RPS6KA2: variants seen among roughly 807,000 people sequenced by gnomAD.
RPS6KA2 encodes the protein ribosomal protein S6 kinase A2.
Under a neutral mutation model 91.8 loss-of-function variants are expected in RPS6KA2, and 42 were observed. The ratio of observed to expected loss-of-function variants is 0.46; its 90% CI spans 0.36 to 0.59. RPS6KA2 has a LOEUF of 0.59. Ranked by LOEUF, RPS6KA2 falls within the 20% of genes least tolerant of loss-of-function variation. The pLI is 0.00. For synonymous variants in RPS6KA2, 414 were observed against 393.6 expected, an observed-to-expected ratio of 1.05 and a Z score of -0.61; for missense variants, 798 against 978.5, an observed-to-expected ratio of 0.82 and a Z score of 2.46.
intron 2 of RPS6KA2, among the ~76,000 whole-genome samples, chr6:166,741,614 C>CCTTTAGT (rs1790818576): frequency 6.6e-6 from 1 of 152,216 alleles, no homozygotes; most frequent in African/African-American, 2.4e-5. Context: ...GCTGAGGGAT[C>CCTTTAGT]ACCCACTGCT....
chr6:166,724,333 G>T (rs1045632985), intron 2 of RPS6KA2, among the ~76,000 whole-genome samples: 1 of 151,936 alleles, frequency 6.6e-6, no homozygotes, highest in Non-Finnish European at 1.5e-5. Context: ...GAGGTCCACG[G>T]CAGCTAGCTC....
rs1358599667 is a variant in RPS6KA2 at position 166,612,049 on chromosome 6, G to A, written c.99+14872C>T. ...ATTGCACAGAAGAAATACTGTGAAT[G>A]AATAAGGCATCCAACCCATTCTCCA... is the stretch of plus-strand genomic sequence containing the variant. On this transcript the variant is annotated intron_variant, in intron 1 of 20. Transcript: ENST00000265678. The surrounding 1 kb of genome is among the most constrained non-coding windows in gnomAD (Gnocchi z 4.3). Among the ~76,000 whole-genome samples, 7 of 152,202 alleles carry A rather than the reference G, an allele frequency of 4.6e-5. No individual in the cohort carries two copies. Among genetic ancestry groups the A allele is most frequent in the Non-Finnish European group, 1.0e-4 (7 of 68,040 alleles).
At chr6:166,847,367 TA>T (rs1554262563) in intron 2 of RPS6KA2, among the ~76,000 whole-genome samples, 1 of 152,100 alleles carries the variant, frequency 6.6e-6, no homozygotes, top group Non-Finnish European at 1.5e-5. Flanking sequence ...GCAATTCCCA[TA>T]AAAATACCAC....
rs540755505 is a variant in RPS6KA2 at position 166,765,467 on chromosome 6, C to T, written c.123+92733G>A. ...GGTGACATAGGTTCCTTATTGCATC[C>T]GCAGCTCAGGGACGGGCGCAGTGTG... On this transcript the variant is annotated intron_variant, in intron 2 of 21. Coordinates refer to the RPS6KA2 transcript ENST00000503859. Among the ~76,000 whole-genome samples the T allele has an allele frequency of 1.1e-4, 16 of 152,324 alleles. No individual in the cohort carries two copies. The East Asian group carries it at 2.3e-3, about 22-fold the overall frequency.
intron 1 of RPS6KA2, among the ~76,000 whole-genome samples, chr6:166,550,138 T>G (rs1018091261): frequency 6.6e-6 from 1 of 152,210 alleles, no homozygotes. Flanking sequence ...AGTGATAGTA[T>G]TAGAAAATAT....
At chr6:166,688,341 G>T (rs1217315192) in intron 2 of RPS6KA2, among the ~76,000 whole-genome samples, 1 of 152,186 alleles carries the variant, frequency 6.6e-6, no homozygotes, top group Non-Finnish European at 1.5e-5. Flanking sequence ...CCCCCGCCAG[G>T]GTCCTCAACC....
chr6:166,510,576 TATATATATATATATA>T (rs1562545801), intron 3 of RPS6KA2, among the ~76,000 whole-genome samples: 4 of 39,008 alleles, frequency 1.0e-4, no homozygotes, highest in South Asian at 1.2e-3. Context: ...TATATATATA[TATATATATATATATA>T]TATATATATA....
chr6:166,837,064 C>A (rs1195884284), intron 2 of RPS6KA2, among the ~76,000 whole-genome samples: 1 of 152,210 alleles, frequency 6.6e-6, no homozygotes, highest in East Asian at 1.9e-4. Flanking sequence ...GCTCACCTGG[C>A]CACAGCCGGC....
intron 17 of RPS6KA2, among the ~76,000 whole-genome samples, chr6:166,421,647 T>C (rs1384940392): frequency 6.6e-6 from 1 of 152,184 alleles, no homozygotes; most frequent in Admixed American, 6.5e-5. Context: ...GCAGATACCA[T>C]GTAGGCTGGA....
intron 2 of RPS6KA2, among the ~76,000 whole-genome samples, chr6:166,716,167 C>T (rs140108342): frequency 6.6e-6 from 1 of 151,728 alleles, no homozygotes; most frequent in East Asian, 1.9e-4. Flanking sequence ...AGTTTTATCA[C>T]AGGTTAACTG....
intron 2 of RPS6KA2, among the ~76,000 whole-genome samples, chr6:166,772,837 CTG>C (rs1439324409): frequency 6.6e-6 from 1 of 152,226 alleles, no homozygotes; most frequent in South Asian, 2.1e-4. Flanking sequence ...GAATCACTGA[CTG>C]TCTTTCCCTT....
chr6:166,450,745 C>A (rs569044577), intron 13 of RPS6KA2, among the ~76,000 whole-genome samples: 91 of 146,384 alleles, frequency 6.2e-4, no homozygotes, highest in Middle Eastern at 3.5e-3. Context: ...CACAGGACAC[C>A]ACCATGGGGA....
chr6:166,754,465 T>A (rs370044765), intron 2 of RPS6KA2, among the ~76,000 whole-genome samples: 3 of 152,102 alleles, frequency 2.0e-5, no homozygotes, highest in African/African-American at 7.2e-5. Flanking sequence ...ATGGGACTGG[T>A]TGGTAAGGGC....
At chr6:166,681,800 G>A (rs938283642) in intron 2 of RPS6KA2, among the ~76,000 whole-genome samples, 1 of 150,882 alleles carries the variant, frequency 6.6e-6, no homozygotes, top group African/African-American at 2.4e-5. Flanking sequence ...GCTGGGGCCT[G>A]ACACCTGCAG....
chr6:166,789,066 C>T (rs1163607538), intron 2 of RPS6KA2, among the ~76,000 whole-genome samples: 1 of 152,210 alleles, frequency 6.6e-6, no homozygotes, highest in Non-Finnish European at 1.5e-5. Flanking sequence ...GAGGCATTAC[C>T]TCACTCGGGA....
Position 166,448,576 on chromosome 6 carries a change from C to G in RPS6KA2, c.1332+148G>C. 2.0e-6 allele frequency: 2 copies of G among 983,652 alleles called. No individual in the cohort carries two copies. The highest frequency in any genetic ancestry group is 2.9e-6 in the Non-Finnish European group (2 of 681,490). The allele number at this position is 983,652 out of a possible 1,614,324, so 60.9% of individuals were successfully genotyped here. A position where few individuals can be genotyped will look rare whatever the true frequency, so the allele number is the denominator to read the frequency against. ...AGCACATATGCTGTGCTCCTATGCT[C>G]CGTGCTCCCATGTGCTGTACATGCT... On this transcript the variant is annotated intron_variant, in intron 14 of 20. Transcript: ENST00000265678. The surrounding 1 kb of genome is among the most constrained non-coding windows in gnomAD (Gnocchi z 4.7).
intron 1 of RPS6KA2, among the ~76,000 whole-genome samples, chr6:166,598,259 T>G (rs185736448): frequency 2.0e-5 from 3 of 152,314 alleles, no homozygotes; most frequent in Admixed American, 1.3e-4. Context: ...TTTCCCTCCC[T>G]GCTGTTCAGG....
At position 166,626,504 on chromosome 6, in the gene RPS6KA2, A is replaced by C. The variant is rs1786881160; in HGVS notation, c.99+417T>G. ...CGGGCACGGCAGACAGCACCTGATC[A>C]GCGCCTCGGAGGGCGGAGCTGGGGG... On this transcript the variant is annotated intron_variant, in intron 1 of 20. Transcript: ENST00000265678. This position sits in a 1 kb window ranked among gnomAD's most constrained non-coding sequence, Gnocchi z 4.1. Among the ~76,000 whole-genome samples the C allele has an allele frequency of 6.6e-6, 1 of 152,218 alleles. No homozygotes were observed. The highest frequency in any genetic ancestry group is 1.9e-4 in the East Asian group (1 of 5,176).
At chr6:166,681,012 C>G (rs1019533989) in intron 2 of RPS6KA2, among the ~76,000 whole-genome samples, 3 of 152,210 alleles carry the variant, frequency 2.0e-5, no homozygotes, top group Admixed American at 2.0e-4. Flanking sequence ...TTAACAGCAG[C>G]CGCTTGTCTC....
Sources: gnomAD v4.1 joint callset for allele counts (sites outside exome capture counted in the v4.1 genomes callset) on GRCh38, gnomAD v4.1.1 for gene constraint, Gnocchi (gnomAD v3.1) non-coding constraint, MANE v1.5 for transcripts, NCBI Gene and HGNC (gene_info 2026-07-23, HGNC 2026-07-21) for gene names.